The following LY86 variants were observed in gnomAD, a reference collection of about 807,000 sequenced individuals.
LY86 encodes lymphocyte antigen 86, also known as MD-1, RP105-associated.
A neutral mutation model predicts 17.3 loss-of-function variants in LY86; 20 were observed. The ratio of observed to expected loss-of-function variants is 1.15; its 90% CI spans 0.81 to 1.68. The LOEUF is 1.68. Among genes scored for constraint, LY86 ranks in the 40% most tolerant of loss-of-function variants. LY86 has a pLI of 0.00. For synonymous variants in LY86, 74 were observed against 70.6 expected, an observed-to-expected ratio of 1.05 and a Z score of -0.24; for missense variants, 200 against 191.9, an observed-to-expected ratio of 1.04 and a Z score of -0.25.
At chr6:6,588,898 G>GTT in intron 1 of LY86, 28 bp downstream of exon 1, 1 of 1,601,316 alleles carries the variant, frequency 6.2e-7, no homozygotes, top group Middle Eastern at 1.7e-4. Flanking sequence ...ACCCATGTGT[G>GTT]TTTATGGGGA....
chr6:6,596,904 A>C (rs1456365306), intron 1 of LY86, among the ~76,000 whole-genome samples: 1 of 152,234 alleles, frequency 6.6e-6, no homozygotes, highest in Non-Finnish European at 1.5e-5. Context: ...AGAGGGAAAA[A>C]AGCCAAGAGT....
intron 1 of LY86, among the ~76,000 whole-genome samples, chr6:6,605,711 C>T (rs756063650): frequency 2.9e-4 from 44 of 151,952 alleles, no homozygotes; most frequent in Admixed American, 1.0e-3. Flanking sequence ...AGCCGCGGAA[C>T]CTCGCGGTGA....
In LY86 at chr6:6,619,355, CAG is replaced by C. The variant is rs369731310; in HGVS notation, c.137-5569_137-5568del. 1.7e-3 allele frequency among the ~76,000 whole-genome samples: 261 copies of C among 152,372 alleles called. 1 individual carries two copies. Among genetic ancestry groups the C allele is most frequent in the African/African-American group, 6.2e-3 (256 of 41,586 alleles). On this transcript the variant is annotated intron_variant, in intron 1 of 4. Transcript: ENST00000230568. ...CCGGGACTAGCAGTTCAACCACACT[CAG>C]ACACTCTGTCTCCAGTGCCAAGTGG...
chr6:6,630,762 T>C (rs1761886317), intron 3 of LY86, among the ~76,000 whole-genome samples: 1 of 152,172 alleles, frequency 6.6e-6, no homozygotes, highest in South Asian at 2.1e-4. Context: ...CTGTGCTTTC[T>C]GAAGCAATGA....
At chr6:6,638,768 A>G (rs1761996051) in intron 3 of LY86, among the ~76,000 whole-genome samples, 1 of 149,618 alleles carries the variant, frequency 6.7e-6, no homozygotes, top group Non-Finnish European at 1.5e-5. Flanking sequence ...TTAACTCGTC[A>G]TTTAGCATTA....
intron 3 of LY86, among the ~76,000 whole-genome samples, chr6:6,628,355 G>A (rs1270948738): frequency 7.2e-6 from 1 of 138,456 alleles, no homozygotes; most frequent in East Asian, 2.2e-4. Context: ...CCCTTCTTCA[G>A]CCACATCTTG....
chr6:6,653,539 G>A (rs746240545), intron 4 of LY86, among the ~76,000 whole-genome samples: 8 of 152,184 alleles, frequency 5.3e-5, no homozygotes, highest in Non-Finnish European at 8.8e-5. Context: ...CTCTTCTACA[G>A]TCCTCATAGG....
intron 1 of LY86, among the ~76,000 whole-genome samples, chr6:6,606,643 G>A (rs71559122): frequency 0.094 from 14,301 of 152,278 alleles, 731 homozygotes; most frequent in South Asian, 0.15. Context: ...GGCCCGGCGA[G>A]AAATTGAGCA....
chr6:6,598,006 C>T (rs554377361), intron 1 of LY86, among the ~76,000 whole-genome samples: 29 of 152,332 alleles, frequency 1.9e-4, no homozygotes, highest in African/African-American at 6.7e-4. Context: ...TAGAATCCTT[C>T]CCCATAGCTG....
intron 3 of LY86, among the ~76,000 whole-genome samples, chr6:6,639,392 G>T (rs80279309): frequency 2.0e-5 from 3 of 152,230 alleles, no homozygotes; most frequent in African/African-American, 4.8e-5. Flanking sequence ...ATCCAAGGCC[G>T]CTGTATTAGC....
At chr6:6,595,703 C>G (rs1760691213) in intron 1 of LY86, among the ~76,000 whole-genome samples, 1 of 152,090 alleles carries the variant, frequency 6.6e-6, no homozygotes, top group African/African-American at 2.4e-5. Context: ...ATGACATCTT[C>G]CAAATTAAAA....
intron 1 of LY86, among the ~76,000 whole-genome samples, chr6:6,604,784 G>A (rs1295892377): frequency 6.6e-6 from 1 of 150,726 alleles, no homozygotes; most frequent in Non-Finnish European, 1.5e-5. Context: ...CCAGAGATTC[G>A]TAAAAGAAAT....
chr6:6,605,729 A>C (rs550969985), intron 1 of LY86, among the ~76,000 whole-genome samples: 88 of 152,310 alleles, frequency 5.8e-4, no homozygotes, highest in African/African-American at 1.8e-3. Context: ...TGAGTGTTAC[A>C]GTTCTTAAAA....
At chr6:6,611,148 C>G (rs942562912) in intron 1 of LY86, among the ~76,000 whole-genome samples, 6 of 152,126 alleles carry the variant, frequency 3.9e-5, no homozygotes, top group African/African-American at 1.2e-4. Context: ...TTATATGATT[C>G]AAAATGAAGG....
chr6:6,603,615 C>CAAAAAAAAAAAAAAAAAAAAAAAAA (rs1221531073), intron 1 of LY86, among the ~76,000 whole-genome samples: 1 of 114,170 alleles, frequency 8.8e-6, no homozygotes, highest in Non-Finnish European at 1.7e-5. Flanking sequence ...GAAAAAAAAA[C>CAAAAAAAAAAAAAAAAAAAAAAAAA]AAACAAAAAA....
intron 1 of LY86, among the ~76,000 whole-genome samples, chr6:6,613,638 C>T (rs954961397): frequency 6.6e-6 from 1 of 152,236 alleles, no homozygotes; most frequent in African/African-American, 2.4e-5. Context: ...CCCTTCATAT[C>T]TCCCCGCAAG....
At chr6:6,628,212 C>T (rs1006218856) in intron 3 of LY86, among the ~76,000 whole-genome samples, 3 of 151,752 alleles carry the variant, frequency 2.0e-5, no homozygotes, top group African/African-American at 4.8e-5. Context: ...GGGCCAACCC[C>T]GAGCTCCTCA....
At chr6:6,618,918 T>C (rs1205198567) in intron 1 of LY86, among the ~76,000 whole-genome samples, 3 of 152,214 alleles carry the variant, frequency 2.0e-5, no homozygotes, top group Admixed American at 1.3e-4. Context: ...TATTTCTTTT[T>C]CCACAAAGGT....
intron 1 of LY86, among the ~76,000 whole-genome samples, chr6:6,608,509 C>T (rs531941777): frequency 6.6e-6 from 1 of 152,286 alleles, no homozygotes; most frequent in South Asian, 2.1e-4. Context: ...ATTTATGTCT[C>T]CTGTGTCAGA....
Sources: allele counts gnomAD v4.1 joint callset (sites outside exome capture counted in the v4.1 genomes callset), GRCh38; gene constraint gnomAD v4.1.1; transcripts MANE v1.5; gene names NCBI Gene and HGNC (gene_info 2026-07-23, HGNC 2026-07-21).